The following GRAMD4 variants were observed in gnomAD, a reference collection of about 807,000 sequenced individuals.
GRAMD4 encodes GRAM domain containing 4.
In GRAMD4, 25 loss-of-function variants were observed where a neutral mutation model predicts 83.9. That is an observed-to-expected ratio of 0.30 (90% confidence interval 0.22 to 0.42). The LOEUF is 0.42. Ranked by LOEUF, GRAMD4 falls within the 10% of genes least tolerant of loss-of-function variation. GRAMD4 has a pLI of 1.00. For synonymous variants in GRAMD4, 336 were observed against 320.9 expected (o/e 1.05, Z -0.50); for missense variants, 593 against 788.7 (o/e 0.75, Z 2.97).
chr22:46,605,789 C>G (rs34995951), intron 1 of GRAMD4, among the ~76,000 whole-genome samples: 61 of 18,182 alleles, frequency 3.4e-3, no homozygotes, highest in East Asian at 0.023. Context: ...TCTGCATGGG[C>G]CTATGGCCGG....
At chr22:46,593,262 G>A (rs2081227920) in intron 1 of GRAMD4, among the ~76,000 whole-genome samples, 1 of 152,060 alleles carries the variant, frequency 6.6e-6, no homozygotes, top group Non-Finnish European at 1.5e-5. Flanking sequence ...ATTCTCCCCT[G>A]CCTGGTTCCT....
intron 1 of GRAMD4, among the ~76,000 whole-genome samples, chr22:46,600,321 G>A (rs1333955509): frequency 1.3e-5 from 2 of 152,212 alleles, no homozygotes; most frequent in Non-Finnish European, 2.9e-5. Context: ...TGCTTAAGCA[G>A]AGGGGGGCTT....
At chr22:46,643,568 T>C (rs2082022462) in intron 3 of GRAMD4, among the ~76,000 whole-genome samples, 1 of 152,264 alleles carries the variant, frequency 6.6e-6, no homozygotes, top group Non-Finnish European at 1.5e-5. Flanking sequence ...CACTATTGTC[T>C]AGTAATGTCC....
intron 2 of GRAMD4, among the ~76,000 whole-genome samples, chr22:46,634,634 G>C (rs1348130930): frequency 6.6e-6 from 1 of 152,138 alleles, no homozygotes; most frequent in African/African-American, 2.4e-5. Context: ...TTCTGTGTTT[G>C]AGATCTTTAA....
At chr22:46,594,969 C>T (rs1433562975) in intron 1 of GRAMD4, among the ~76,000 whole-genome samples, 6 of 152,098 alleles carry the variant, frequency 3.9e-5, no homozygotes, top group Admixed American at 1.3e-4. Context: ...TCTGACTGCA[C>T]CAGGTTTGTT....
Position 46,677,492 on chromosome 22 carries a change from G to A in GRAMD4, c.*241G>A, listed in dbSNP as rs1161677914. 1.1e-5 allele frequency: 14 copies of A among 1,280,124 alleles called. No homozygotes were observed. The highest frequency in any genetic ancestry group is 3.4e-5 in the Admixed American group (1 of 29,336). The allele number at this position is 1,280,124 out of a possible 1,614,324, so 79.3% of individuals were successfully genotyped here. ...CGTCAGGTGCCTCTGAGGGCCACCC[G>A]CAGACTGGGGGAGGGGGCAGAGGCC... On this transcript the variant is annotated 3_prime_UTR_variant, in exon 19 of 19. Coordinates refer to ENST00000406902, the MANE Select transcript of GRAMD4 (RefSeq NM_015124.5).
chr22:46,670,494 C>T (rs2082485439), intron 13 of GRAMD4, among the ~76,000 whole-genome samples: 1 of 152,328 alleles, frequency 6.6e-6, no homozygotes, highest in East Asian at 1.9e-4. Context: ...GTCCAGGTGC[C>T]GAGGCTCCAG....
intron 13 of GRAMD4, among the ~76,000 whole-genome samples, chr22:46,670,497 G>C (rs1322963286): frequency 6.6e-6 from 1 of 152,202 alleles, no homozygotes; most frequent in Non-Finnish European, 1.5e-5. Context: ...CAGGTGCCGA[G>C]GCTCCAGAGC....
upstream of GRAMD4, among the ~76,000 whole-genome samples, chr22:46,616,405 CCT>C (rs1337757077): frequency 7.4e-5 from 8 of 107,838 alleles, no homozygotes; most frequent in East Asian, 3.5e-4. Flanking sequence ...TGTAGGTTCC[CCT>C]GTGCGTGTAG....
In GRAMD4 at chr22:46,634,179, G is replaced by T. The variant is rs150145564; in HGVS notation, c.163-3661G>T. ...CTGGGGGAGTGTGGCAGGTTCCCTCGGTGGGGAGCGAGGCTGCAGAGGTGC... is the reference window on the plus strand; with the variant it reads ...CTGGGGGAGTGTGGCAGGTTCCCTCTGTGGGGAGCGAGGCTGCAGAGGTGC... On this transcript the variant is annotated intron_variant, in intron 2 of 18. Coordinates refer to ENST00000406902, the MANE Select transcript of GRAMD4 (RefSeq NM_015124.5). Among the ~76,000 whole-genome samples the T allele has an allele frequency of 3.2e-4, 49 of 152,324 alleles. No individual in the cohort carries two copies. The East Asian group carries it at 7.7e-3, about 24-fold the overall frequency.
rs539560499 is a variant in GRAMD4 at position 46,675,395 on chromosome 22, G to A, written c.1479-73G>A. On this transcript the variant is annotated intron_variant, in intron 16 of 18. Coordinates refer to ENST00000406902, the MANE Select transcript of GRAMD4 (RefSeq NM_015124.5). The stretch of plus-strand genomic sequence containing the variant: ...CCACTGGGGGCTGAGAGGCAGCCCC[G>A]GGAGACCCCCACCTGGTGGGAGCGT... The A allele has an allele frequency of 2.6e-4, 259 of 1,015,458 alleles. 1 individual carries two copies. The East Asian group carries it at 5.7e-3, about 22-fold the overall frequency. 62.9% of individuals were successfully genotyped at this position (1,015,458 alleles called of 1,614,324 possible).
chr22:46,646,112 G>A (rs1254073204), intron 3 of GRAMD4, among the ~76,000 whole-genome samples: 1 of 152,206 alleles, frequency 6.6e-6, no homozygotes, highest in African/African-American at 2.4e-5. Flanking sequence ...TGTTGCTGGA[G>A]AGGGCTGCAG....
At position 46,590,640 on chromosome 22, in the gene GRAMD4, G is replaced by A. The variant is rs149412919; in HGVS notation, c.-50+13350G>A. Among the ~76,000 whole-genome samples the A allele has an allele frequency of 1.9e-4, 29 of 152,354 alleles. No homozygotes were observed. In the East Asian group the frequency reaches 5.2e-3, roughly 27 times the overall value. ...GGCCCAGGTGAGTGTCAACAGGGGA[G>A]GGAGAGAGCAGCAGAGGTCCCGCCA... is the stretch of plus-strand genomic sequence containing the variant. On this transcript the variant is annotated intron_variant, in intron 1 of 1. Coordinates refer to the GRAMD4 transcript ENST00000431155.
chr22:46,631,126 C>T (rs185039564), intron 2 of GRAMD4, among the ~76,000 whole-genome samples: 99 of 152,354 alleles, frequency 6.5e-4, no homozygotes, highest in African/African-American at 2.2e-3. Flanking sequence ...CACATGTAGG[C>T]TTCATTCTTT....
In GRAMD4 at chr22:46,626,816, AC is replaced by A; in HGVS notation, c.18del (p.Asp6GlufsTer16). 6.2e-7 allele frequency: 1 copy of A among 1,613,922 alleles called. No individual in the cohort carries two copies. Among genetic ancestry groups the A allele is most frequent in the East Asian group, 2.2e-5 (1 of 44,884 alleles). On this transcript the variant is annotated frameshift_variant, in exon 2 of 19. Transcript: ENST00000406902. LOFTEE classifies it high-confidence loss of function. Reference sequence around the variant, plus strand: ...GTGCTGAACATGCTAAGGAGGTTGGACAAAATCAGGTTCAGAGGTCACAAGA... The same window carrying A: ...GTGCTGAACATGCTAAGGAGGTTGGAAAAATCAGGTTCAGAGGTCACAAGA... MLRRLDKIRFRGHKRD... is the reference protein window; with the variant it reads MLRRLXKIRFRGHKRD...
At chr22:46,681,517 A>G (rs1252419474), downstream of GRAMD4, among the ~76,000 whole-genome samples, 1 of 152,164 alleles carries the variant, frequency 6.6e-6, no homozygotes, top group African/African-American at 2.4e-5. Context: ...TGGCTACCAG[A>G]GGGGCTGTGC....
At chr22:46,640,870 T>C (rs2081965795) in intron 3 of GRAMD4, among the ~76,000 whole-genome samples, 1 of 115,186 alleles carries the variant, frequency 8.7e-6, no homozygotes, top group African/African-American at 3.4e-5. Flanking sequence ...GCCAGCATCC[T>C]CTCATTTCAG....
intron 1 of GRAMD4, among the ~76,000 whole-genome samples, chr22:46,604,557 C>T (rs1005000398): frequency 6.6e-6 from 1 of 152,212 alleles, no homozygotes; most frequent in Non-Finnish European, 1.5e-5. Flanking sequence ...CTCTCCAGAG[C>T]CTCTCCCCAC....
chr22:46,618,239 C>T (rs2081529270), upstream of GRAMD4, among the ~76,000 whole-genome samples: 1 of 152,102 alleles, frequency 6.6e-6, no homozygotes, highest in African/African-American at 2.4e-5. This position sits in a 1 kb window ranked among gnomAD's most constrained non-coding sequence, Gnocchi z 5.8. Context: ...CAGAGCCGAG[C>T]CCCTGGAGAC....
Sources: gnomAD v4.1 joint callset for allele counts (sites outside exome capture counted in the v4.1 genomes callset) on GRCh38, gnomAD v4.1.1 for gene constraint, Gnocchi (gnomAD v3.1) non-coding constraint, MANE v1.5 for transcripts, NCBI Gene and HGNC (gene_info 2026-07-23, HGNC 2026-07-21) for gene names.